NALF1: variants seen among roughly 807,000 people sequenced by gnomAD.
NALF1 encodes the protein family with sequence similarity 155 member A.
In NALF1, 3 loss-of-function variants were observed where a neutral mutation model predicts 48.4. The observed-to-expected ratio is 0.06, with a 90% CI of 0.03 to 0.16. The LOEUF (loss-of-function observed/expected upper bound fraction) is 0.16. Ranked by LOEUF, NALF1 falls within the 10% of genes least tolerant of loss-of-function variation. The pLI is 1.00. For missense variants in NALF1, 526 were observed against 571.5 expected, an observed-to-expected ratio of 0.92 and a Z score of 0.81; for synonymous variants, 262 against 245.7, an observed-to-expected ratio of 1.07 and a Z score of -0.62.
intron 1 of NALF1, among the ~76,000 whole-genome samples, chr13:107,325,845 CACACACACACATATATATATAT>C (rs202102330): frequency 0.012 from 536 of 44,074 alleles, 24 homozygotes; most frequent in Admixed American, 0.087. Context: ...TGTCTCAACA[CACACACACACATATATATATAT>C]ATATATATAT....
At chr13:107,621,347 TTAA>T (rs1422295698) in intron 1 of NALF1, among the ~76,000 whole-genome samples, 5 of 152,216 alleles carry the variant, frequency 3.3e-5, no homozygotes, top group African/African-American at 4.8e-5. Context: ...ATGCCTTTTA[TTAA>T]TGACAATGTT....
intron 1 of NALF1, among the ~76,000 whole-genome samples, chr13:107,524,496 A>C (rs1392142833): frequency 6.6e-6 from 1 of 152,108 alleles, no homozygotes; most frequent in East Asian, 1.9e-4. Flanking sequence ...GGATCCACAG[A>C]AAAAAGTTAG....
intron 1 of NALF1, among the ~76,000 whole-genome samples, chr13:107,809,261 G>A (rs908213317): frequency 3.3e-5 from 5 of 151,918 alleles, no homozygotes; most frequent in African/African-American, 9.7e-5. Context: ...TTACCTAGAC[G>A]TGGACAAGGC....
Position 107,866,331 on chromosome 13 carries a change from CGCTGCCTCTGCTGCTGCTGCTGCTGCT to C in NALF1, c.239_265del (p.Gln80_Gln88del), listed in dbSNP as rs1880722526. 3.1e-6 allele frequency: 5 copies of C among 1,608,828 alleles called. No individual in the cohort carries two copies. In the Admixed American group the frequency reaches 5.0e-5, roughly 16 times the overall value. ...CCGCCGCTGCTGCTGCTGCTGCTGC[CGCTGCCTCTGCTGCTGCTGCTGCTGCT>C]GCTGCTGCCGCTGCTGCTGCTGGTG... On this transcript the variant is annotated inframe_deletion, in exon 1 of 3. Coordinates refer to ENST00000375915, the MANE Select transcript of NALF1 (RefSeq NM_001080396.3). This position sits in a 1 kb window ranked among gnomAD's most constrained non-coding sequence, Gnocchi z 4.4.
chr13:107,357,191 G>A (rs991768379), intron 1 of NALF1, among the ~76,000 whole-genome samples: 7 of 152,200 alleles, frequency 4.6e-5, no homozygotes, highest in African/African-American at 1.7e-4. Flanking sequence ...CCACATGGCT[G>A]TGGAGGCCCC....
At chr13:107,272,006 C>T (rs12873344) in intron 1 of NALF1, among the ~76,000 whole-genome samples, 31,327 of 150,886 alleles carry the variant, frequency 0.21, 4,173 homozygotes, top group Non-Finnish European at 0.29. Flanking sequence ...CTTCCTAAGC[C>T]AGTGCTTGGG....
chr13:107,476,197 C>T (rs1161929567), intron 1 of NALF1, among the ~76,000 whole-genome samples: 2 of 152,226 alleles, frequency 1.3e-5, no homozygotes, highest in South Asian at 2.1e-4. Flanking sequence ...TGCAGGCAGC[C>T]GACTTCTTAA....
intron 1 of NALF1, among the ~76,000 whole-genome samples, chr13:107,647,012 T>C (rs1880331078): frequency 6.6e-6 from 1 of 152,072 alleles, no homozygotes; most frequent in Admixed American, 6.6e-5. Context: ...TTACCACTCA[T>C]TGGGTAAAGA....
intron 1 of NALF1, among the ~76,000 whole-genome samples, chr13:107,334,027 G>A (rs957107596): frequency 6.6e-6 from 1 of 152,160 alleles, no homozygotes; most frequent in Non-Finnish European, 1.5e-5. Context: ...TTTCATTCAT[G>A]AAGTTATGTT....
chr13:107,284,156 C>T (rs1881444516), intron 1 of NALF1, among the ~76,000 whole-genome samples: 3 of 152,026 alleles, frequency 2.0e-5, no homozygotes, highest in Admixed American at 2.0e-4. Context: ...GAAAATCAGG[C>T]GTTTGAAAGC....
chr13:107,696,790 C>T (rs1348499722), intron 1 of NALF1, among the ~76,000 whole-genome samples: 1 of 152,074 alleles, frequency 6.6e-6, no homozygotes, highest in African/African-American at 2.4e-5. Flanking sequence ...ATTTGCATAT[C>T]TTGCATGATT....
intron 1 of NALF1, among the ~76,000 whole-genome samples, chr13:107,261,653 C>T (rs538029448): frequency 1.2e-3 from 188 of 152,176 alleles, no homozygotes; most frequent in Non-Finnish European, 2.3e-3. Flanking sequence ...AGTGTTTTAT[C>T]ATCTGGGGGT....
At chr13:107,832,636 CA>C (rs1879775008) in intron 1 of NALF1, among the ~76,000 whole-genome samples, 1 of 152,142 alleles carries the variant, frequency 6.6e-6, no homozygotes, top group Admixed American at 6.5e-5. Context: ...GGGTCCTTCG[CA>C]ACTCCTCGTT....
chr13:107,510,555 C>A (rs16970395), intron 1 of NALF1, among the ~76,000 whole-genome samples: 5,460 of 152,226 alleles, frequency 0.036, 182 homozygotes, highest in African/African-American at 0.083. Flanking sequence ...TACTTTAAAA[C>A]CTGTCTAATT....
intron 1 of NALF1, among the ~76,000 whole-genome samples, chr13:107,709,633 A>G (rs919960703): frequency 3.3e-5 from 5 of 152,228 alleles, no homozygotes; most frequent in African/African-American, 1.2e-4. Context: ...TTTATCAATC[A>G]GTATCTTGTG....
chr13:107,810,980 T>C (rs1878971622), intron 1 of NALF1, among the ~76,000 whole-genome samples: 1 of 152,166 alleles, frequency 6.6e-6, no homozygotes, highest in African/African-American at 2.4e-5. Flanking sequence ...ATTATGTATA[T>C]ATTATTCATA....
intron 1 of NALF1, among the ~76,000 whole-genome samples, chr13:107,221,307 G>A (rs1381037883): frequency 6.6e-6 from 1 of 152,202 alleles, no homozygotes; most frequent in Non-Finnish European, 1.5e-5. Context: ...GCCAGGCATG[G>A]TGGCTCATGC....
At chr13:107,692,673 T>C (rs1267469978) in intron 1 of NALF1, among the ~76,000 whole-genome samples, 1 of 152,180 alleles carries the variant, frequency 6.6e-6, no homozygotes, top group Non-Finnish European at 1.5e-5. Flanking sequence ...AAACTATGCA[T>C]TATAAGTAAA....
At chr13:107,769,944 GCTCTGTCACCCA>G (rs1877531513) in intron 1 of NALF1, among the ~76,000 whole-genome samples, 1 of 152,008 alleles carries the variant, frequency 6.6e-6, no homozygotes, top group Non-Finnish European at 1.5e-5. Flanking sequence ...ACGGAGTCTC[GCTCTGTCACCCA>G]GGCTAGAGTG....
Sources: gnomAD v4.1 joint callset for allele counts (sites outside exome capture counted in the v4.1 genomes callset) on GRCh38, gnomAD v4.1.1 for gene constraint, Gnocchi (gnomAD v3.1) non-coding constraint, MANE v1.5 for transcripts, NCBI Gene and HGNC (gene_info 2026-07-23, HGNC 2026-07-21) for gene names.